IMMP2L: variants seen among roughly 807,000 people sequenced by gnomAD.
IMMP2L encodes inner mitochondrial membrane peptidase subunit 2, also known as mitochondrial inner membrane protease subunit 2.
A neutral mutation model predicts 19.3 loss-of-function variants in IMMP2L; 18 were observed. The observed-to-expected ratio is 0.93, with a 90% CI of 0.64 to 1.38. The LOEUF is 1.38. Ranked by LOEUF, IMMP2L falls within the 40% of genes most tolerant of loss-of-function variation. The pLI, the probability that IMMP2L is intolerant of heterozygous loss-of-function variation, is 0.00. For synonymous variants in IMMP2L, 76 were observed against 73.0 expected, an observed-to-expected ratio of 1.04 and a Z score of -0.21; for missense variants, 233 against 218.2, an observed-to-expected ratio of 1.07 and a Z score of -0.43.
intron 5 of IMMP2L, among the ~76,000 whole-genome samples, chr7:110,714,175 T>C (rs552941977): frequency 1.8e-4 from 28 of 152,242 alleles, no homozygotes; most frequent in Non-Finnish European, 3.5e-4. Context: ...TCCAAATCTA[T>C]TGAGATGATC....
chr7:111,368,646 T>G (rs1350330734), intron 3 of IMMP2L, among the ~76,000 whole-genome samples: 1 of 151,998 alleles, frequency 6.6e-6, no homozygotes, highest in Non-Finnish European at 1.5e-5. Context: ...ATACCAGATA[T>G]GTCTAACAAA....
At chr7:110,846,799 T>C (rs984585177) in intron 5 of IMMP2L, among the ~76,000 whole-genome samples, 5 of 152,172 alleles carry the variant, frequency 3.3e-5, no homozygotes, top group Non-Finnish European at 7.4e-5. Context: ...ATTCAAATCC[T>C]TGTGTTTGGC....
chr7:111,293,524 A>T (rs1821327675), intron 3 of IMMP2L, among the ~76,000 whole-genome samples: 1 of 151,962 alleles, frequency 6.6e-6, no homozygotes, highest in Non-Finnish European at 1.5e-5. Flanking sequence ...CTATAAAAAT[A>T]TAACTACTGT....
At chr7:111,198,929 T>A (rs1332345262) in intron 3 of IMMP2L, among the ~76,000 whole-genome samples, 1 of 152,208 alleles carries the variant, frequency 6.6e-6, no homozygotes, top group African/African-American at 2.4e-5. Context: ...AATATATGCA[T>A]TTTCAGAGAT....
intron 3 of IMMP2L, among the ~76,000 whole-genome samples, chr7:111,142,984 C>T (rs1246593801): frequency 4.6e-5 from 7 of 152,200 alleles, no homozygotes; most frequent in Admixed American, 1.3e-4. Context: ...GTTTAAGAGA[C>T]TATATATTTA....
At chr7:110,881,140 T>A (rs528613351) in intron 5 of IMMP2L, among the ~76,000 whole-genome samples, 1 of 152,288 alleles carries the variant, frequency 6.6e-6, no homozygotes, top group African/African-American at 2.4e-5. Flanking sequence ...GACTTTCTGT[T>A]TCATTTTACT....
At chr7:110,781,001 T>C (rs1262997183) in intron 5 of IMMP2L, among the ~76,000 whole-genome samples, 1 of 151,906 alleles carries the variant, frequency 6.6e-6, no homozygotes, top group African/African-American at 2.4e-5. Context: ...TTCAAGGAAA[T>C]GGGGAAGATG....
At chr7:111,239,213 T>C (rs1814704941) in intron 3 of IMMP2L, among the ~76,000 whole-genome samples, 4 of 151,942 alleles carry the variant, frequency 2.6e-5, no homozygotes, top group Non-Finnish European at 5.9e-5. Flanking sequence ...ACTATCGCTA[T>C]GAGTAACTAC....
At chr7:111,422,828 C>A (rs1025929663) in intron 3 of IMMP2L, among the ~76,000 whole-genome samples, 1 of 151,772 alleles carries the variant, frequency 6.6e-6, no homozygotes, top group African/African-American at 2.4e-5. Context: ...AGTTTTTGCC[C>A]ATTCAGTGTG....
At chr7:111,230,450 CTAATTT>C (rs1265991195) in intron 3 of IMMP2L, among the ~76,000 whole-genome samples, 1 of 151,930 alleles carries the variant, frequency 6.6e-6, no homozygotes, top group African/African-American at 2.4e-5. Context: ...TAGTTTACTC[CTAATTT>C]TAAGACAGTT....
intron 3 of IMMP2L, among the ~76,000 whole-genome samples, chr7:111,278,598 A>G (rs1819364182): frequency 6.6e-6 from 1 of 152,184 alleles, no homozygotes; most frequent in Non-Finnish European, 1.5e-5. Context: ...TGTGAAACTC[A>G]GTAATAAGGC....
At chr7:111,524,258 T>G (rs142016339) in intron 1 of IMMP2L, among the ~76,000 whole-genome samples, 1 of 151,868 alleles carries the variant, frequency 6.6e-6, no homozygotes, top group African/African-American at 2.4e-5. Context: ...AAAATATATA[T>G]AAATAAATAA....
chr7:110,891,120 C>T (rs1810747104), intron 4 of IMMP2L, among the ~76,000 whole-genome samples: 1 of 151,534 alleles, frequency 6.6e-6, no homozygotes, highest in South Asian at 2.1e-4. Flanking sequence ...TTTACTGCTC[C>T]CTGGATACTA....
chr7:111,141,933 G>A (rs946161813), intron 3 of IMMP2L, among the ~76,000 whole-genome samples: 1 of 152,102 alleles, frequency 6.6e-6, no homozygotes, highest in Non-Finnish European at 1.5e-5. Flanking sequence ...CGAACTCTTG[G>A]CCTCAAGAGA....
intron 3 of IMMP2L, among the ~76,000 whole-genome samples, chr7:111,284,194 A>T (rs1820237827): frequency 6.6e-6 from 1 of 152,168 alleles, no homozygotes; most frequent in Non-Finnish European, 1.5e-5. Context: ...TTTTCACTGC[A>T]CTAATAGTAC....
chr7:110,770,758 G>T (rs570086484), intron 5 of IMMP2L, among the ~76,000 whole-genome samples: 1 of 152,286 alleles, frequency 6.6e-6, no homozygotes, highest in South Asian at 2.1e-4. Flanking sequence ...CTTCCTGAAG[G>T]CACTGGGTCA....
intron 5 of IMMP2L, among the ~76,000 whole-genome samples, chr7:110,749,523 A>G (rs1321026408): frequency 6.6e-6 from 1 of 152,172 alleles, no homozygotes; most frequent in African/African-American, 2.4e-5. Flanking sequence ...TAGGCTGGAT[A>G]AAGAAAATGT....
intron 4 of IMMP2L, among the ~76,000 whole-genome samples, chr7:110,958,600 CAACA>C (rs1446950035): frequency 5.3e-5 from 2 of 37,966 alleles, no homozygotes; most frequent in African/African-American, 1.5e-4. Context: ...TCTGTCATAC[CAACA>C]AGCCCTTACC....
intron 3 of IMMP2L, among the ~76,000 whole-genome samples, chr7:111,346,176 A>C (rs1827521851): frequency 6.6e-6 from 1 of 152,178 alleles, no homozygotes; most frequent in Non-Finnish European, 1.5e-5. Flanking sequence ...ATTTCAGTAA[A>C]GCCTAATATG....
Sources: allele counts gnomAD v4.1 joint callset (sites outside exome capture counted in the v4.1 genomes callset), GRCh38; gene constraint gnomAD v4.1.1; transcripts MANE v1.5; gene names NCBI Gene and HGNC (gene_info 2026-07-23, HGNC 2026-07-21).